The following PCDHA1 variants were observed in gnomAD, a reference collection of about 807,000 sequenced individuals.
PCDHA1 encodes the protein protocadherin alpha 1.
In PCDHA1, 42 loss-of-function variants were observed where a neutral mutation model predicts 61.3. The observed-to-expected ratio is 0.69, with a 90% confidence interval of 0.54 to 0.89. The LOEUF is 0.89. PCDHA1 is among the 40% of genes least tolerant of loss of function. The pLI is 0.00. For missense variants in PCDHA1, 1,256 were observed against 1,235.3 expected (o/e 1.02, Z -0.25); for synonymous variants, 610 against 553.8 (o/e 1.10, Z -1.43).
chr5:140,841,901 C>G, intron 1 of PCDHA1: 1 of 1,613,844 alleles, frequency 6.2e-7, no homozygotes, highest in Non-Finnish European at 8.5e-7. Flanking sequence ...ACTGGTTGAG[C>G]TCGTATTAAG....
intron 1 of PCDHA1, chr5:140,823,946 C>T: frequency 1.2e-6 from 2 of 1,613,970 alleles, no homozygotes; most frequent in East Asian, 2.2e-5. Flanking sequence ...CGGTGCTCGG[C>T]GCAGCCCACC....
intron 1 of PCDHA1, among the ~76,000 whole-genome samples, chr5:140,941,247 CTTTCTTTCTCTT>C (rs1165264412): frequency 7.0e-5 from 9 of 128,506 alleles, no homozygotes; most frequent in African/African-American, 1.7e-4. Context: ...TTCTTTCTTT[CTTTCTTTCTCTT>C]TCTTTCTTTC....
chr5:140,807,686 C>T (rs1472420956), intron 1 of PCDHA1: 7 of 1,614,108 alleles, frequency 4.3e-6, no homozygotes, highest in Non-Finnish European at 5.9e-6. Context: ...GGAGAACGCC[C>T]TGCTCACTTA....
chr5:140,787,377 G>T lies in PCDHA1; in HGVS notation c.1087G>T (p.Ala363Ser), dbSNP rs367890574. 58 of 1,614,190 alleles carry T rather than the reference G, an allele frequency of 3.6e-5. No homozygotes were observed. The Admixed American group carries it at 5.8e-4, about 16-fold the overall frequency. ...TSLYLPIRED[A>S]PLSTVIALIT... ...ATTGTATTTGCCTATCAGAGAGGACGCTCCACTCAGCACCGTCATCGCCCT... is the reference window on the plus strand; with the variant it reads ...ATTGTATTTGCCTATCAGAGAGGACTCTCCACTCAGCACCGTCATCGCCCT... The change falls in exon 1 of 4, where the codon GCT (alanine) becomes TCT (serine). Residue 363 changes from alanine to serine, a missense_variant. By Grantham distance (99) the Ala-to-Ser change is moderately conservative (BLOSUM62 1). Coordinates refer to ENST00000504120, the MANE Select transcript of PCDHA1 (RefSeq NM_018900.4).
chr5:140,835,725 G>C (rs2150243206), intron 1 of PCDHA1: 1 of 1,613,874 alleles, frequency 6.2e-7, no homozygotes. Context: ...GGTGGCCGAC[G>C]TGAACGACAA....
In PCDHA1 at chr5:140,787,552, A is replaced by T; in HGVS notation, c.1262A>T (p.Tyr421Phe). 1 of 1,614,164 alleles carries T rather than the reference A, an allele frequency of 6.2e-7. No homozygotes were observed. Among genetic ancestry groups the T allele is most frequent in the Non-Finnish European group, 8.5e-7 (1 of 1,180,026 alleles). The change falls in exon 1 of 4, where the codon TAT becomes TTT. Residue 421 changes from tyrosine (Y) to phenylalanine (F), a missense_variant. Coordinates refer to ENST00000504120, the MANE Select transcript of PCDHA1 (RefSeq NM_018900.4). The stretch of plus-strand genomic sequence containing the variant: ...CTGGATCGCGAGAGCCTGTCGGTCT[A>T]TGAGCTGGTGGTGACCGCGCGGGAC... The part of the protein sequence containing the change: ...SALDRESLSV[Y>F]ELVVTARDGG...
intron 1 of PCDHA1, chr5:140,813,568 T>G (rs1459643062): frequency 6.6e-6 from 1 of 152,268 alleles, no homozygotes; most frequent in Non-Finnish European, 1.5e-5. Context: ...GAATGGAGAC[T>G]GCGGGGCTGG....
intron 1 of PCDHA1, chr5:140,834,523 G>A: frequency 1.9e-6 from 3 of 1,614,068 alleles, no homozygotes; most frequent in East Asian, 2.2e-5. Flanking sequence ...TTCGTGGGCC[G>A]CATCGCGCAG....
At chr5:140,882,871 C>T in intron 1 of PCDHA1, 1 of 1,614,164 alleles carries the variant, frequency 6.2e-7, no homozygotes, top group East Asian at 2.2e-5. Flanking sequence ...AAACACTGGA[C>T]AGAGAGGAAA....
At chr5:140,830,321 G>A (rs2150184954) in intron 1 of PCDHA1, 6 of 1,613,998 alleles carry the variant, frequency 3.7e-6, no homozygotes, top group Admixed American at 1.7e-5. Flanking sequence ...GTGCTCCAGC[G>A]CAGTGGGGAG....
At chr5:140,960,267 C>T (rs1182915204) in intron 1 of PCDHA1, among the ~76,000 whole-genome samples, 3 of 152,266 alleles carry the variant, frequency 2.0e-5, no homozygotes, top group South Asian at 2.1e-4. Flanking sequence ...CTGATAAATT[C>T]CGTCACCTTT....
At chr5:140,888,613 A>C (rs782529480) in intron 1 of PCDHA1, among the ~76,000 whole-genome samples, 4 of 152,184 alleles carry the variant, frequency 2.6e-5, no homozygotes, top group Non-Finnish European at 5.9e-5. Flanking sequence ...TTAGTGTAGC[A>C]CTAATTCGGC....
At chr5:140,810,734 C>T (rs1764721277) in intron 1 of PCDHA1, 1 of 151,768 alleles carries the variant, frequency 6.6e-6, no homozygotes, top group African/African-American at 2.4e-5. Context: ...TTTCTTATTA[C>T]TTAAACAAAT....
At chr5:140,946,059 G>T (rs979423479) in intron 1 of PCDHA1, among the ~76,000 whole-genome samples, 4 of 152,038 alleles carry the variant, frequency 2.6e-5, no homozygotes, top group Non-Finnish European at 4.4e-5. Flanking sequence ...CAGAATGGGA[G>T]AAAATATTTG....
intron 1 of PCDHA1, chr5:140,851,996 G>C: frequency 1.0e-6 from 1 of 976,024 alleles, no homozygotes; most frequent in Non-Finnish European, 1.2e-6. Flanking sequence ...CTATTTGTTT[G>C]TTTTCTAATT....
At chr5:140,817,298 G>GAAAGTGCACCAGA (rs1766109472) in intron 1 of PCDHA1, 1 of 152,200 alleles carries the variant, frequency 6.6e-6, no homozygotes, top group Non-Finnish European at 1.5e-5. Flanking sequence ...GGACTATAGG[G>GAAAGTGCACCAGA]AAAGTGCCCC....
In PCDHA1 at chr5:140,823,270, G is replaced by C. The variant is rs1554129230; in HGVS notation, c.2394+34586G>C. The C allele has an allele frequency of 2.5e-6, 4 of 1,612,658 alleles. No homozygotes were observed. In the East Asian group the frequency reaches 8.9e-5, roughly 36 times the overall value. On this transcript the variant is annotated intron_variant, in intron 1 of 3. Transcript: ENST00000504120. ...CTACTCGCTGGTGGAGCGGCGGGTGGGCGAGCGCCCGCTGTCGAGTTACGT... is the reference window on the plus strand; with the variant it reads ...CTACTCGCTGGTGGAGCGGCGGGTGCGCGAGCGCCCGCTGTCGAGTTACGT...
rs782508103 is a variant in PCDHA1, at chr5:140,856,192, G to T, written c.2394+67508G>T. ...ACGGCACCTTCGTGGGCCGCATCGCGCAGGACCTGGGGCTGGAGCTGGCGG... is the reference window on the plus strand; with the variant it reads ...ACGGCACCTTCGTGGGCCGCATCGCTCAGGACCTGGGGCTGGAGCTGGCGG... On this transcript the variant is annotated intron_variant, in intron 1 of 3. Coordinates refer to ENST00000504120, the MANE Select transcript of PCDHA1 (RefSeq NM_018900.4). The T allele has an allele frequency of 3.7e-5, 59 of 1,598,180 alleles. 4 individuals carry two copies. Among genetic ancestry groups the T allele is most frequent in the South Asian group, 2.8e-4 (25 of 90,510 alleles).
chr5:140,849,776 G>C, intron 1 of PCDHA1: 1 of 1,598,464 alleles, frequency 6.3e-7, no homozygotes, highest in Non-Finnish European at 8.6e-7. Context: ...TGGTTACCGC[G>C]CGGGACGGGG....
Sources: allele counts gnomAD v4.1 joint callset (sites outside exome capture counted in the v4.1 genomes callset), GRCh38; gene constraint gnomAD v4.1.1; transcripts MANE v1.5; gene names NCBI Gene and HGNC (gene_info 2026-07-23, HGNC 2026-07-21).